POLH: variants seen among roughly 807,000 people sequenced by gnomAD.
The protein encoded by POLH is DNA polymerase eta transcript.
A neutral mutation model predicts 73.6 loss-of-function variants in POLH; 53 were observed. That is an observed-to-expected ratio of 0.72 (90% CI 0.58 to 0.91). The LOEUF (loss-of-function observed/expected upper bound fraction) is 0.91, where lower values mean the gene tolerates loss of function less well. POLH is among the 40% of genes least tolerant of loss of function. The probability of loss-of-function intolerance (pLI) is 0.00; values close to 1 mark genes in which losing one functional copy is unlikely to be tolerated. For synonymous variants in POLH, 292 were observed against 308.5 expected (o/e 0.95, Z 0.56); for missense variants, 768 against 865.4 (o/e 0.89, Z 1.41).
chr6:43,591,784 A>G (rs780713438), intron 4 of POLH, among the ~76,000 whole-genome samples: 1 of 152,210 alleles, frequency 6.6e-6, no homozygotes, highest in Admixed American at 6.5e-5. Context: ...ACAATTTTGC[A>G]TGCAGTTTTC....
chr6:43,606,129 G>A (rs76587901), intron 9 of POLH, among the ~76,000 whole-genome samples: 4,980 of 150,586 alleles, frequency 0.033, 264 homozygotes, highest in African/African-American at 0.11. Flanking sequence ...GCAAATTAAC[G>A]TATCTATCAT....
intron 6 of POLH, among the ~76,000 whole-genome samples, chr6:43,601,424 C>G (rs1766720217): frequency 6.6e-6 from 1 of 152,052 alleles, no homozygotes; most frequent in African/African-American, 2.4e-5. Flanking sequence ...CACCACCACG[C>G]CTGGCTAATT....
In POLH at chr6:43,613,985, CA is replaced by C. The variant is rs1235341490; in HGVS notation, c.1573del (p.Ser525ValfsTer15). The C allele has an allele frequency of 1.2e-6, 2 of 1,613,972 alleles. No individual in the cohort carries two copies. The highest frequency in any genetic ancestry group is 1.7e-6 in the Non-Finnish European group (2 of 1,180,048). On this transcript the variant is annotated frameshift_variant, in exon 11 of 11. Transcript: ENST00000372236. LOFTEE classifies it high-confidence loss of function. ...SKPSLPFQTSQSTGTEPFFKQ... is the reference protein window; with the variant it reads ...SKPSLPFQTSXSTGTEPFFKQ... ...GCCCTCATTACCTTTTCAAACCAGT[CA>C]AAGTACAGGAACTGAGCCCTTCTTT... is the stretch of plus-strand genomic sequence containing the variant.
chr6:43,614,682 A>G lies in POLH; in HGVS notation c.*125A>G. On this transcript the variant is annotated 3_prime_UTR_variant, in exon 11 of 11. Transcript: ENST00000372236. ...TATGAAATTTTTAATACAAAAAATA[A>G]TCCATTTAGGTGCTGAGTTACGGTC... 5 of 878,762 alleles carry G rather than the reference A, an allele frequency of 5.7e-6. No homozygotes were observed. The highest frequency in any genetic ancestry group is 3.4e-6 in the Non-Finnish European group (2 of 580,400). The allele number at this position is 878,762 out of a possible 1,614,324, so 54.4% of individuals were successfully genotyped here.
chr6:43,607,617 T>G (rs967914155), intron 9 of POLH, among the ~76,000 whole-genome samples: 1 of 152,196 alleles, frequency 6.6e-6, no homozygotes, highest in Non-Finnish European at 1.5e-5. Flanking sequence ...TAACTCTATG[T>G]TTAGCATTTT....
chr6:43,601,411 G>A (rs1280260302), intron 6 of POLH, among the ~76,000 whole-genome samples: 7 of 151,992 alleles, frequency 4.6e-5, no homozygotes, highest in South Asian at 2.1e-4. Context: ...AATTACAGGC[G>A]CCCACCACCA....
At chr6:43,585,311 G>T (rs577341659) in intron 3 of POLH, among the ~76,000 whole-genome samples, 1 of 152,210 alleles carries the variant, frequency 6.6e-6, no homozygotes, top group South Asian at 2.1e-4. Context: ...TTTTAGGGAG[G>T]CTCCGTTATG....
intron 4 of POLH, among the ~76,000 whole-genome samples, chr6:43,588,069 CTT>C (rs1340585498): frequency 6.6e-6 from 1 of 152,140 alleles, no homozygotes; most frequent in East Asian, 1.9e-4. Flanking sequence ...TGACTGAGCA[CTT>C]TGTCATTGGT....
At chr6:43,599,359 C>G (rs942520320) in intron 5 of POLH, among the ~76,000 whole-genome samples, 2 of 152,098 alleles carry the variant, frequency 1.3e-5, no homozygotes, top group African/African-American at 4.8e-5. Context: ...TGCCTATTCC[C>G]TGTTTTCTTA....
intron 10 of POLH, among the ~76,000 whole-genome samples, chr6:43,613,265 T>C (rs1287939679): frequency 1.3e-5 from 2 of 152,192 alleles, no homozygotes; most frequent in Admixed American, 1.3e-4. Flanking sequence ...CTTTCTAGTC[T>C]AAATATTCTA....
intron 10 of POLH, among the ~76,000 whole-genome samples, chr6:43,610,991 C>T (rs991255869): frequency 6.6e-6 from 1 of 152,086 alleles, no homozygotes; most frequent in Non-Finnish European, 1.5e-5. Flanking sequence ...CTTTGGGAGG[C>T]CAAGGTGGGT....
In POLH at chr6:43,610,738, A is replaced by G; in HGVS notation, c.1244+15A>G. ...CAGACAGAATGGTGAGTTCTTTTCT[A>G]GCTCATCTTCTCAGAATAGATGATG... On this transcript the variant is annotated intron_variant, in intron 10 of 10. Coordinates refer to ENST00000372236, the MANE Select transcript of POLH (RefSeq NM_006502.3). 1 of 1,599,740 alleles carries G rather than the reference A, an allele frequency of 6.3e-7. No homozygotes were observed. The highest frequency in any genetic ancestry group is 1.1e-5 in the South Asian group (1 of 90,530).
At chr6:43,593,778 G>A (rs1765730259) in intron 4 of POLH, among the ~76,000 whole-genome samples, 1 of 151,148 alleles carries the variant, frequency 6.6e-6, no homozygotes, top group African/African-American at 2.4e-5. Context: ...TTTTCGGGAG[G>A]GTAAGGCAGG....
rs1396254468 is a variant in POLH at position 43,604,723 on chromosome 6, TGCTACTCGG to T, written c.995_1003del (p.Ala332_Arg334del). 1.2e-6 allele frequency: 2 copies of T among 1,614,098 alleles called. No homozygotes were observed. Among genetic ancestry groups the T allele is most frequent in the African/African-American group, 2.7e-5 (2 of 75,038 alleles). On this transcript the variant is annotated inframe_deletion, in exon 8 of 11. Coordinates refer to ENST00000372236, the MANE Select transcript of POLH (RefSeq NM_006502.3). The stretch of plus-strand genomic sequence containing the variant: ...AGAACTTCCCAGGAAAAACAGCTCT[TGCTACTCGG>T]GAACAGGTAAGCTGGCATTCTTGAC...
intron 4 of POLH, among the ~76,000 whole-genome samples, chr6:43,592,406 T>TC (rs1464573092): frequency 4.5e-5 from 6 of 132,984 alleles, no homozygotes; most frequent in South Asian, 2.2e-4. Flanking sequence ...TGTATCTTCT[T>TC]TTTTTTTTTT....
rs1010890857 is a variant in POLH at position 43,616,971 on chromosome 6, C to A, written c.*2414C>A. ...TTGGGAGGCCAAGGCAGGTGGACCA[C>A]GTGAAGTCAGGAGTTCAAGACAAGC... is the stretch of plus-strand genomic sequence containing the variant. On this transcript the variant is annotated 3_prime_UTR_variant, in exon 11 of 11. Transcript: ENST00000372236. 6.6e-6 allele frequency among the ~76,000 whole-genome samples: 1 copy of A among 152,194 alleles called. No individual in the cohort carries two copies. The highest frequency in any genetic ancestry group is 1.5e-5 in the Non-Finnish European group (1 of 68,044).
intron 2 of POLH, 119 bp downstream of exon 2, chr6:43,582,575 C>A: frequency 2.0e-6 from 2 of 1,015,080 alleles, no homozygotes; most frequent in Non-Finnish European, 3.1e-6. Context: ...TTGTCCCATC[C>A]AGAGCGCAGT....
At chr6:43,590,347 G>C (rs1765310140) in intron 4 of POLH, among the ~76,000 whole-genome samples, 1 of 148,204 alleles carries the variant, frequency 6.7e-6, no homozygotes, top group Non-Finnish European at 1.5e-5. Context: ...AACAGAGCAA[G>C]ACTCCATCTT....
intron 10 of POLH, among the ~76,000 whole-genome samples, chr6:43,611,908 T>C (rs1385022480): frequency 6.6e-6 from 1 of 151,890 alleles, no homozygotes; most frequent in East Asian, 1.9e-4. Flanking sequence ...ATACAAAAAT[T>C]AGCCAGGCAT....
Sources: gnomAD v4.1 joint callset for allele counts (sites outside exome capture counted in the v4.1 genomes callset) on GRCh38, gnomAD v4.1.1 for gene constraint, MANE v1.5 for transcripts, NCBI Gene and HGNC (gene_info 2026-07-23, HGNC 2026-07-21) for gene names.